Variants in CLIC5 observed in about 807,000 individuals in gnomAD.
CLIC5 encodes CLIC family member 5.
In CLIC5, 20 loss-of-function variants were observed where a neutral mutation model predicts 24.7. The observed-to-expected ratio is 0.81, with a 90% confidence interval of 0.57 to 1.18. The LOEUF is 1.18. Among genes scored for constraint, CLIC5 ranks in the 50% most tolerant of loss-of-function variants. The probability of loss-of-function intolerance (pLI) is 0.00; values close to 1 mark genes in which losing one functional copy is unlikely to be tolerated. For synonymous variants in CLIC5, 159 were observed against 135.6 expected (o/e 1.17, Z -1.20); for missense variants, 341 against 326.1 (o/e 1.05, Z -0.35).
At chr6:45,999,224 T>C (rs2127431326) in intron 1 of CLIC5, among the ~76,000 whole-genome samples, 1 of 152,228 alleles carries the variant, frequency 6.6e-6, no homozygotes, top group Middle Eastern at 3.4e-3. Flanking sequence ...AAGCTGCCAG[T>C]TGAAAATAAC....
intron 5 of CLIC5, 46 bp from the exon 6 acceptor site, chr6:45,903,301 A>T: frequency 6.6e-7 from 1 of 1,522,478 alleles, no homozygotes; most frequent in Non-Finnish European, 8.8e-7. Flanking sequence ...GGCATGAAAC[A>T]AATCATTAGA....
At chr6:45,912,130 C>A (rs1214582874) in intron 5 of CLIC5, 2 of 986,510 alleles carry the variant, frequency 2.0e-6, no homozygotes, top group Non-Finnish European at 2.4e-6. Flanking sequence ...TTAGCTCCCA[C>A]AGCCCAGATT....
chr6:45,914,495 T>C (rs1338555987), intron 4 of CLIC5, 86 bp from the exon 5 acceptor site: 3 of 1,377,674 alleles, frequency 2.2e-6, no homozygotes, highest in Non-Finnish European at 2.8e-6. Flanking sequence ...GTAGCTCATC[T>C]AGAATCCTGT....
At chr6:45,918,138 G>A (rs532246674) in intron 4 of CLIC5, among the ~76,000 whole-genome samples, 3 of 152,042 alleles carry the variant, frequency 2.0e-5, no homozygotes, top group Non-Finnish European at 4.4e-5. Flanking sequence ...GGAAACAAGG[G>A]GAATAGTTCA....
chr6:46,022,672 C>A (rs917591833), intron 1 of CLIC5, among the ~76,000 whole-genome samples: 1 of 152,190 alleles, frequency 6.6e-6, no homozygotes, highest in Admixed American at 6.5e-5. Flanking sequence ...TCTATTGGTG[C>A]TTAGCAAAGG....
At chr6:46,021,983 T>C (rs1291672898) in intron 1 of CLIC5, among the ~76,000 whole-genome samples, 1 of 152,266 alleles carries the variant, frequency 6.6e-6, no homozygotes, top group Non-Finnish European at 1.5e-5. Flanking sequence ...CATCAGGTTC[T>C]ATTGCCATAC....
At position 45,957,716 on chromosome 6, in the gene CLIC5, G is replaced by A. The variant is rs150426837; in HGVS notation, c.64-2472C>T. 2.2e-3 allele frequency among the ~76,000 whole-genome samples: 339 copies of A among 152,292 alleles called. 1 individual carries two copies. The highest frequency in any genetic ancestry group is 7.8e-3 in the African/African-American group (326 of 41,566). ...GTCAAAGACCAATAGAAATATGCGA[G>A]GATGCTACCATTTACTTTCACTGTC... On this transcript the variant is annotated intron_variant, in intron 1 of 5. Coordinates refer to ENST00000339561, the MANE Select transcript of CLIC5 (RefSeq NM_016929.5).
chr6:46,027,474 C>T (rs1194753327), intron 1 of CLIC5, among the ~76,000 whole-genome samples: 1 of 152,138 alleles, frequency 6.6e-6, no homozygotes, highest in African/African-American at 2.4e-5. Context: ...TCACCTTTTC[C>T]TATGTAATTA....
chr6:45,984,776 A>G (rs533561979), intron 1 of CLIC5, among the ~76,000 whole-genome samples: 8 of 152,086 alleles, frequency 5.3e-5, no homozygotes, highest in Admixed American at 4.6e-4. Flanking sequence ...AAAATCACTA[A>G]TGAAGAATTC....
At chr6:45,903,916 A>C (rs1487803373) in intron 5 of CLIC5, among the ~76,000 whole-genome samples, 5 of 152,148 alleles carry the variant, frequency 3.3e-5, no homozygotes, top group African/African-American at 1.2e-4. Context: ...CATGAAAAGC[A>C]AGTTAGATAT....
intron 1 of CLIC5, among the ~76,000 whole-genome samples, chr6:46,003,358 T>A (rs1327488001): frequency 2.6e-5 from 4 of 152,188 alleles, no homozygotes; most frequent in Non-Finnish European, 5.9e-5. Context: ...CCCCGCTATC[T>A]CTTTCCCAAC....
the CLIC5 span, among the ~76,000 whole-genome samples, chr6:46,117,202 C>T: frequency 3.9e-5 from 6 of 152,156 alleles, no homozygotes; most frequent in African/African-American, 1.4e-4. Context: ...GTCAGCTGTA[C>T]TCCACCATGT....
At chr6:46,088,122 C>T in the CLIC5 span, among the ~76,000 whole-genome samples, 113 of 151,192 alleles carry the variant, frequency 7.5e-4, no homozygotes, top group Non-Finnish European at 1.5e-3. Flanking sequence ...TATTATAAAA[C>T]CAAAGCAAAC....
upstream of CLIC5, among the ~76,000 whole-genome samples, chr6:46,082,668 C>T (rs1581929065): frequency 6.6e-6 from 1 of 152,058 alleles, no homozygotes. Context: ...ATAGTCAATT[C>T]CCCCAACTCC....
chr6:46,051,713 C>T (rs1768107071), intron 1 of CLIC5, among the ~76,000 whole-genome samples: 1 of 152,120 alleles, frequency 6.6e-6, no homozygotes, highest in Non-Finnish European at 1.5e-5. Context: ...TTGTTTAGTG[C>T]TTTACATTTT....
At chr6:45,912,902 G>A (rs1475255247) in intron 5 of CLIC5, among the ~76,000 whole-genome samples, 1 of 152,206 alleles carries the variant, frequency 6.6e-6, no homozygotes, top group Non-Finnish European at 1.5e-5. Flanking sequence ...TTTTATGCAT[G>A]ATTCCCTCTC....
At chr6:46,028,866 A>G (rs1767418310) in intron 1 of CLIC5, among the ~76,000 whole-genome samples, 1 of 152,200 alleles carries the variant, frequency 6.6e-6, no homozygotes, top group African/African-American at 2.4e-5. Flanking sequence ...GGTATTATAC[A>G]TTCCATAGTT....
At chr6:46,068,770 T>C (rs1762510418) in intron 1 of CLIC5, among the ~76,000 whole-genome samples, 1 of 152,116 alleles carries the variant, frequency 6.6e-6, no homozygotes, top group South Asian at 2.1e-4. Context: ...GAAGACCATG[T>C]GAAGACACAG....
At chr6:45,942,029 C>T (rs1021053313) in intron 3 of CLIC5, among the ~76,000 whole-genome samples, 11 of 152,248 alleles carry the variant, frequency 7.2e-5, no homozygotes, top group Middle Eastern at 3.4e-3. Context: ...TCAACACTTC[C>T]CTTACCCGCT....
Sources: allele counts gnomAD v4.1 joint callset (sites outside exome capture counted in the v4.1 genomes callset), GRCh38; gene constraint gnomAD v4.1.1; transcripts MANE v1.5; gene names NCBI Gene and HGNC (gene_info 2026-07-23, HGNC 2026-07-21).